Variants in EXOC4 observed in about 807,000 individuals in gnomAD.
EXOC4 encodes the protein SEC8-like 1.
Under a neutral mutation model 107.2 loss-of-function variants are expected in EXOC4, and 71 were observed. The observed-to-expected ratio is 0.66, with a 90% CI of 0.55 to 0.81. The LOEUF (loss-of-function observed/expected upper bound fraction) is 0.81. EXOC4 is among the 30% of genes least tolerant of loss of function. The pLI, the probability that EXOC4 is intolerant of heterozygous loss-of-function variation, is 0.00. For synonymous variants in EXOC4, 456 were observed against 441.2 expected, an observed-to-expected ratio of 1.03 and a Z score of -0.42; for missense variants, 1,108 against 1,189.6, an observed-to-expected ratio of 0.93 and a Z score of 1.01.
intron 17 of EXOC4, among the ~76,000 whole-genome samples, chr7:134,030,348 G>C (rs1379073257): frequency 6.6e-6 from 1 of 152,188 alleles, no homozygotes; most frequent in Admixed American, 6.5e-5. Context: ...TCAATGATGA[G>C]TGGATAAACA....
intron 14 of EXOC4, among the ~76,000 whole-genome samples, chr7:133,957,974 C>T (rs1800856695): frequency 1.3e-5 from 2 of 152,202 alleles, no homozygotes; most frequent in African/African-American, 2.4e-5. Context: ...AGATCATAAA[C>T]CAGAGCACCA....
At chr7:133,453,400 T>C (rs2150811833) in intron 7 of EXOC4, among the ~76,000 whole-genome samples, 1 of 152,300 alleles carries the variant, frequency 6.6e-6, no homozygotes, top group African/African-American at 2.4e-5. Flanking sequence ...TCAAAAGAAA[T>C]CTTACATTTT....
intron 9 of EXOC4, among the ~76,000 whole-genome samples, chr7:133,604,991 C>T (rs1359023416): frequency 3.3e-5 from 5 of 151,964 alleles, no homozygotes; most frequent in African/African-American, 1.2e-4. Flanking sequence ...TCCCAAAGTG[C>T]TGGGATTACA....
intron 7 of EXOC4, among the ~76,000 whole-genome samples, chr7:133,444,988 G>T (rs1798186097): frequency 6.6e-6 from 1 of 152,102 alleles, no homozygotes; most frequent in Non-Finnish European, 1.5e-5. Context: ...ATTTTAAATA[G>T]AACAGATTTT....
chr7:133,436,496 G>T (rs1797977712), intron 7 of EXOC4, among the ~76,000 whole-genome samples: 1 of 149,910 alleles, frequency 6.7e-6, no homozygotes, highest in African/African-American at 2.5e-5. Flanking sequence ...AGGCAGTGTG[G>T]TGTTAAAAAA....
intron 14 of EXOC4, among the ~76,000 whole-genome samples, chr7:133,977,905 G>A (rs746551906): frequency 4.6e-5 from 7 of 152,204 alleles, no homozygotes; most frequent in Non-Finnish European, 1.0e-4. Context: ...ACTGAAAAAT[G>A]TTAAATTGAA....
chr7:133,903,231 C>A (rs150952735), intron 12 of EXOC4, among the ~76,000 whole-genome samples: 1 of 152,278 alleles, frequency 6.6e-6, no homozygotes, highest in Non-Finnish European at 1.5e-5. Context: ...GAGTACTACT[C>A]TGAGTGAAAT....
At chr7:133,461,330 A>C (rs1798588092) in intron 7 of EXOC4, among the ~76,000 whole-genome samples, 1 of 152,170 alleles carries the variant, frequency 6.6e-6, no homozygotes, top group South Asian at 2.1e-4. Flanking sequence ...GTTCCCCTTA[A>C]ATTCCAATGA....
At chr7:133,817,178 G>T (rs551005831) in intron 10 of EXOC4, 147 bp from the exon 11 acceptor site, 2 of 539,846 alleles carry the variant, frequency 3.7e-6, no homozygotes, top group South Asian at 3.0e-5. Context: ...ATTTTTACAA[G>T]ATTAAAAATT....
intron 10 of EXOC4, among the ~76,000 whole-genome samples, chr7:133,699,328 T>C (rs1002107906): frequency 3.3e-5 from 5 of 152,080 alleles, no homozygotes; most frequent in African/African-American, 1.2e-4. Flanking sequence ...TTTTTTTAAG[T>C]GTATGTCTTA....
At chr7:133,618,675 C>T (rs1244649459) in intron 9 of EXOC4, among the ~76,000 whole-genome samples, 2 of 152,044 alleles carry the variant, frequency 1.3e-5, no homozygotes, top group Admixed American at 6.6e-5. Context: ...TGGTTGGTGT[C>T]ATTATTTTGA....
chr7:134,084,048 C>G, the EXOC4 span, among the ~76,000 whole-genome samples: 1 of 152,168 alleles, frequency 6.6e-6, no homozygotes, highest in African/African-American at 2.4e-5. Context: ...TGCTATCACT[C>G]TAATACCAAG....
At chr7:134,013,330 A>G (rs966495914) in intron 17 of EXOC4, among the ~76,000 whole-genome samples, 5 of 152,200 alleles carry the variant, frequency 3.3e-5, no homozygotes, top group African/African-American at 7.2e-5. Context: ...AAAGATTCCA[A>G]TAGAGATACA....
chr7:133,314,187 G>GA (rs999670320), intron 4 of EXOC4, among the ~76,000 whole-genome samples: 71 of 152,218 alleles, frequency 4.7e-4, no homozygotes, highest in African/African-American at 1.7e-3. Context: ...AATGGAAACT[G>GA]AGGTCCATAT....
intron 14 of EXOC4, among the ~76,000 whole-genome samples, chr7:133,970,828 C>T (rs1801203970): frequency 6.6e-6 from 1 of 152,092 alleles, no homozygotes; most frequent in East Asian, 1.9e-4. Context: ...GGTTTTTAAA[C>T]TTCACTGCTT....
At chr7:133,484,228 C>T in intron 9 of EXOC4, 1 of 1,438,052 alleles carries the variant, frequency 7.0e-7, no homozygotes, top group African/African-American at 1.4e-5. Flanking sequence ...CAATGCATCT[C>T]AATAGGCTCT....
chr7:133,319,158 TAAA>T (rs1345024410), intron 5 of EXOC4, among the ~76,000 whole-genome samples: 2 of 152,234 alleles, frequency 1.3e-5, no homozygotes, highest in African/African-American at 4.8e-5. Context: ...CCAAGTGAAA[TAAA>T]AAATTTAATT....
chr7:134,058,108 G>A (rs577875711), intron 17 of EXOC4, among the ~76,000 whole-genome samples: 6 of 152,240 alleles, frequency 3.9e-5, no homozygotes, highest in African/African-American at 1.4e-4. Flanking sequence ...GAGAAAACAG[G>A]AGTTCACTGC....
chr7:133,330,064 G>T lies in EXOC4; in HGVS notation c.763+12674G>T, dbSNP rs569500768. On this transcript the variant is annotated intron_variant, in intron 5 of 17. Coordinates refer to ENST00000253861, the MANE Select transcript of EXOC4 (RefSeq NM_021807.4). ...GGTGCTCTGTTACAGGGAGGTGGGG[G>T]TTTCATCTGTAAGCCCCTGACTGGG... is the stretch of plus-strand genomic sequence containing the variant. 9.1e-4 allele frequency among the ~76,000 whole-genome samples: 138 copies of T among 152,260 alleles called. 1 individual carries two copies. Among genetic ancestry groups the T allele is most frequent in the East Asian group, 5.8e-4 (3 of 5,176 alleles).
Sources: gnomAD v4.1 joint callset for allele counts (sites outside exome capture counted in the v4.1 genomes callset) on GRCh38, gnomAD v4.1.1 for gene constraint, MANE v1.5 for transcripts, NCBI Gene and HGNC (gene_info 2026-07-23, HGNC 2026-07-21) for gene names.